Variants in FAM120C observed in about 807,000 individuals in gnomAD.
FAM120C encodes constitutive coactivator of PPAR-gamma-like protein 2.
A neutral mutation model predicts 71.2 loss-of-function variants in FAM120C; 14 were observed. The observed-to-expected ratio is 0.20, with a 90% CI of 0.13 to 0.31. FAM120C has a LOEUF of 0.31. Ranked by LOEUF, FAM120C falls within the 10% of genes least tolerant of loss-of-function variation. The pLI is 1.00. For missense variants in FAM120C, 500 were observed against 879.0 expected (o/e 0.57, Z 5.45); for synonymous variants, 354 against 353.2 (o/e 1.00, Z -0.03).
chrX:54,135,752 TACATA>T, intron 5 of FAM120C, 148 bp from the exon 6 acceptor site: 1 of 436,012 alleles, frequency 2.3e-6, no homozygotes, highest in Non-Finnish European at 3.9e-6. Flanking sequence ...CTGAGAACCT[TACATA>T]AATTATTTCA....
In FAM120C at chrX:54,068,826, GAATAGAA is replaced by G. The variant is rs2066698281; in HGVS notation, c.*4200_*4206del. ...GAATAGAATAGAATAGAATAGAATA[GAATAGAA>G]TAGAATAGAATAGAAGGTAGGAGGG... On this transcript the variant is annotated 3_prime_UTR_variant, in exon 16 of 16. Transcript: ENST00000375180. 9.2e-6 allele frequency: 1 copy of G among 108,874 alleles called. No individual in the cohort carries two copies. Among genetic ancestry groups the G allele is most frequent in the Non-Finnish European group, 1.9e-5 (1 of 52,593 alleles). 9.0% of individuals were successfully genotyped at this position (108,874 alleles called of 1,213,427 possible). A position where few individuals can be genotyped will look rare whatever the true frequency, so the allele number is the denominator to read the frequency against.
At chrX:54,098,654 C>T (rs782458212) in intron 10 of FAM120C, among the ~76,000 whole-genome samples, 1 of 111,227 alleles carries the variant, frequency 9.0e-6, no homozygotes, top group Admixed American at 9.7e-5. Flanking sequence ...GACAGAGTCT[C>T]GCTCTGCCAC....
At chrX:54,114,702 G>T (rs1251679859) in intron 10 of FAM120C, among the ~76,000 whole-genome samples, 1 of 110,411 alleles carries the variant, frequency 9.1e-6, no homozygotes, top group African/African-American at 3.3e-5. Flanking sequence ...GCCTCCCAAA[G>T]TGCTGGGGTT....
chrX:54,112,225 T>G (rs2066940852), intron 10 of FAM120C, among the ~76,000 whole-genome samples: 1 of 109,859 alleles, frequency 9.1e-6, no homozygotes, highest in African/African-American at 3.3e-5. Context: ...GAGACTGGCC[T>G]GGCCAACACA....
chrX:54,138,022 A>G (rs1557130890), intron 4 of FAM120C, among the ~76,000 whole-genome samples: 1 of 112,321 alleles, frequency 8.9e-6, no homozygotes, highest in East Asian at 2.8e-4. Context: ...GTTAACAACT[A>G]CTTTATTCAT....
intron 13 of FAM120C, among the ~76,000 whole-genome samples, chrX:54,082,808 A>G (rs1557121495): frequency 9.0e-6 from 1 of 111,292 alleles, no homozygotes; most frequent in Admixed American, 9.7e-5. Flanking sequence ...CTAAACTAAC[A>G]GTAATTTATA....
chrX:54,152,550 G>A lies in FAM120C; in HGVS notation c.1030-1177C>T, dbSNP rs1445736191. Among the ~76,000 whole-genome samples the A allele has an allele frequency of 7.1e-5, 8 of 112,217 alleles. No individual in the cohort carries two copies. In the Admixed American group the frequency reaches 7.6e-4, roughly 11 times the overall value. The stretch of plus-strand genomic sequence containing the variant: ...TGGGATTACAGGCATGAGCCACTGC[G>A]CCTGGCCCTTAACAAATTTTTAAAG... On this transcript the variant is annotated intron_variant, in intron 3 of 15. Transcript: ENST00000375180.
chrX:54,113,015 C>T (rs112327494), intron 10 of FAM120C, among the ~76,000 whole-genome samples: 10,690 of 107,369 alleles, frequency 0.1, 558 homozygotes, highest in African/African-American at 0.19. Context: ...AGCAAAACTC[C>T]ATCTCAAAAA....
At chrX:54,130,743 AG>A (rs2146607104) in intron 9 of FAM120C, among the ~76,000 whole-genome samples, 1 of 111,571 alleles carries the variant, frequency 9.0e-6, no homozygotes, top group South Asian at 3.8e-4. Flanking sequence ...GGGTGGGGGT[AG>A]ACCATTGTTT....
At chrX:54,117,804 G>C (rs1557126896) in intron 9 of FAM120C, among the ~76,000 whole-genome samples, 2 of 111,827 alleles carry the variant, frequency 1.8e-5, no homozygotes, top group African/African-American at 3.2e-5. Context: ...AGATGCACCA[G>C]GGTAAACAAG....
At chrX:54,110,838 T>C (rs2066933095) in intron 10 of FAM120C, among the ~76,000 whole-genome samples, 2 of 110,323 alleles carry the variant, frequency 1.8e-5, no homozygotes, top group Admixed American at 1.9e-4. Flanking sequence ...GGCGGGAGGA[T>C]CACTTGAGGT....
At chrX:54,110,308 T>C (rs2066930103) in intron 10 of FAM120C, among the ~76,000 whole-genome samples, 1 of 109,224 alleles carries the variant, frequency 9.2e-6, no homozygotes, top group Non-Finnish European at 1.9e-5. Flanking sequence ...CTTTATGACT[T>C]AGGGGTAGGG....
rs782376726 is a variant in FAM120C, at chrX:54,149,375, C to T, written c.1158+1870G>A. Among the ~76,000 whole-genome samples the T allele has an allele frequency of 2.7e-4, 30 of 111,832 alleles. 1 individual carries two copies. Among genetic ancestry groups the T allele is most frequent in the African/African-American group, 9.1e-4 (28 of 30,812 alleles). On this transcript the variant is annotated intron_variant, in intron 4 of 15. Coordinates refer to ENST00000375180, the MANE Select transcript of FAM120C (RefSeq NM_017848.6). The stretch of plus-strand genomic sequence containing the variant: ...ATACTGGGCCGGACGCGGTAGCTCA[C>T]GCCTGTAATCCCAGCACTTTGGGAG...
chrX:54,099,736 T>C (rs1043439483), intron 10 of FAM120C, among the ~76,000 whole-genome samples: 3 of 112,402 alleles, frequency 2.7e-5, no homozygotes, highest in Non-Finnish European at 5.6e-5. Flanking sequence ...TTTTCCCCCA[T>C]TGAATTATCT....
chrX:54,080,950 G>A (rs2066761733), intron 14 of FAM120C, among the ~76,000 whole-genome samples: 1 of 108,946 alleles, frequency 9.2e-6, no homozygotes, highest in South Asian at 4.0e-4. Flanking sequence ...CGGGAGGATT[G>A]TTTGAGCCCA....
chrX:54,155,677 A>G lies in FAM120C; in HGVS notation c.1029+2012T>C, dbSNP rs1470958453. 2.7e-5 allele frequency among the ~76,000 whole-genome samples: 3 copies of G among 110,367 alleles called. No individual in the cohort carries two copies. In the East Asian group the frequency reaches 8.5e-4, roughly 31 times the overall value. On this transcript the variant is annotated intron_variant, in intron 3 of 15. Coordinates refer to ENST00000375180, the MANE Select transcript of FAM120C (RefSeq NM_017848.6). ...AGAGGCTTTTTTAAAAAAAAAATAA[A>G]GTTGTATTTTTAAACTTCATAGATG...
chrX:54,151,312 T>A lies in FAM120C; in HGVS notation c.1091A>T (p.Tyr364Phe). 8.3e-7 allele frequency: 1 copy of A among 1,210,466 alleles called. No homozygotes were observed. The highest frequency in any genetic ancestry group is 1.1e-6 in the Non-Finnish European group (1 of 894,879). The change falls in exon 4 of 16, where the codon TAT (tyrosine) becomes TTT (phenylalanine). Residue 364 changes from tyrosine (Y) to phenylalanine (F), a missense_variant. This residue lies in a region of FAM120C where 55 missense variants were observed against 96.7 expected (regional missense o/e 0.57). Transcript: ENST00000375180. ...TGAGGGATCTTTGATGGAACTGACA[T>A]ACTCAGAAACAGCCTTGATCACCAC... ...CDVVIKAVSE[Y>F]VSSIKDPSNL...
chrX:54,074,173 A>G lies in FAM120C; in HGVS notation c.3037-886T>C. Among the ~76,000 whole-genome samples, 3 of 111,355 alleles carry G rather than the reference A, an allele frequency of 2.7e-5. No homozygotes were observed. In the South Asian group the frequency reaches 1.1e-3, roughly 42 times the overall value. Reference sequence around the variant, plus strand: ...CTTTACAATATGTTTTTCTAATACTATGGGGATCCTAAATGGTAGATATGA... The same window carrying G: ...CTTTACAATATGTTTTTCTAATACTGTGGGGATCCTAAATGGTAGATATGA... On this transcript the variant is annotated intron_variant, in intron 15 of 15. Transcript: ENST00000375180.
chrX:54,140,624 GAA>G (rs1258170766), intron 4 of FAM120C, among the ~76,000 whole-genome samples: 1 of 70,484 alleles, frequency 1.4e-5, no homozygotes. Context: ...CCGTCTCAAA[GAA>G]AAAAAAAAAA....
Sources: gnomAD v4.1 joint callset for allele counts (sites outside exome capture counted in the v4.1 genomes callset) on GRCh38, gnomAD v4.1.1 for gene constraint, gnomAD v4.1.1 regional missense constraint, MANE v1.5 for transcripts, NCBI Gene and HGNC (gene_info 2026-07-23, HGNC 2026-07-21) for gene names.